Variants in PEX7 observed in about 807,000 individuals in gnomAD.
The protein encoded by PEX7 is PTS2 receptor.
In PEX7, 34 loss-of-function variants were observed where a neutral mutation model predicts 47.5. That is an observed-to-expected ratio of 0.72 (90% CI 0.54 to 0.95). The LOEUF (loss-of-function observed/expected upper bound fraction) is 0.95, where lower values mean the gene tolerates loss of function less well. Among genes scored for constraint, PEX7 ranks in the 40% least tolerant of loss-of-function variants. The probability of loss-of-function intolerance (pLI) is 0.00; values close to 1 mark genes in which losing one functional copy is unlikely to be tolerated. For synonymous variants in PEX7, 141 were observed against 148.8 expected, an observed-to-expected ratio of 0.95 and a Z score of 0.38; for missense variants, 394 against 400.3, an observed-to-expected ratio of 0.98 and a Z score of 0.13.
At chr6:136,878,709 A>G (rs549894359) in intron 8 of PEX7, among the ~76,000 whole-genome samples, 3 of 152,342 alleles carry the variant, frequency 2.0e-5, no homozygotes, top group African/African-American at 7.2e-5. Flanking sequence ...GATCTCGCTT[A>G]GTGAACAAAT....
Position 136,913,780 on chromosome 6 carries a change from A to G in PEX7, c.*254A>G. 7 of 414,310 alleles carry G rather than the reference A, an allele frequency of 1.7e-5. No homozygotes were observed. In the South Asian group the frequency reaches 1.9e-4, roughly 11 times the overall value. 25.7% of individuals were successfully genotyped at this position (414,310 alleles called of 1,614,324 possible). A position where few individuals can be genotyped will look rare whatever the true frequency, so the allele number is the denominator to read the frequency against. On this transcript the variant is annotated 3_prime_UTR_variant, in exon 10 of 10. Transcript: ENST00000318471. ...GATATATCTTGTAGTATCTATTAAAATGTCTCTGGGTCATAAAATGGATTA... is the reference window on the plus strand; with the variant it reads ...GATATATCTTGTAGTATCTATTAAAGTGTCTCTGGGTCATAAAATGGATTA...
intron 9 of PEX7, among the ~76,000 whole-genome samples, 190 bp from the exon 10 acceptor site, chr6:136,913,268 T>A (rs1775960925): frequency 6.6e-6 from 1 of 152,234 alleles, no homozygotes; most frequent in Admixed American, 6.5e-5. Context: ...TCAGTTGGAA[T>A]ACCCTGAGGT....
chr6:136,907,584 C>A (rs1159304567), intron 9 of PEX7, among the ~76,000 whole-genome samples: 4 of 151,560 alleles, frequency 2.6e-5, no homozygotes, highest in Non-Finnish European at 4.4e-5. Flanking sequence ...GTAGATTGAA[C>A]AAGTTTCCCA....
intron 9 of PEX7, among the ~76,000 whole-genome samples, chr6:136,909,571 G>C (rs1234729897): frequency 6.6e-6 from 1 of 152,144 alleles, no homozygotes; most frequent in African/African-American, 2.4e-5. Flanking sequence ...GAGCCTCTTT[G>C]TTAGTTAGTA....
At chr6:136,844,480 G>A (rs1278282186) in intron 3 of PEX7, among the ~76,000 whole-genome samples, 1 of 152,034 alleles carries the variant, frequency 6.6e-6, no homozygotes, top group Non-Finnish European at 1.5e-5. Flanking sequence ...TCACTTGAAT[G>A]GTTACCATTT....
At chr6:136,881,972 G>C (rs745424232) in intron 8 of PEX7, among the ~76,000 whole-genome samples, 1 of 152,058 alleles carries the variant, frequency 6.6e-6, no homozygotes, top group Non-Finnish European at 1.5e-5. Context: ...GATCTTTAAC[G>C]TAAGTTAAAC....
At chr6:136,851,054 G>T in intron 5 of PEX7, among the ~76,000 whole-genome samples, 1 of 106,322 alleles carries the variant, frequency 9.4e-6, no homozygotes, top group Admixed American at 1.0e-4. Flanking sequence ...CATTGTGCAG[G>T]TTAGTTACAT....
intron 1 of PEX7, among the ~76,000 whole-genome samples, chr6:136,823,914 G>A (rs934314627): frequency 6.6e-6 from 1 of 152,128 alleles, no homozygotes; most frequent in African/African-American, 2.4e-5. Flanking sequence ...CATCTAGTCC[G>A]TGGACTAGAT....
intron 9 of PEX7, chr6:136,901,249 T>A (rs59827236): frequency 0.12 from 18,574 of 152,330 alleles, 2,137 homozygotes; most frequent in African/African-American, 0.31. Flanking sequence ...TCTACATGTA[T>A]CTCCATGTTT....
intron 9 of PEX7, among the ~76,000 whole-genome samples, chr6:136,899,968 T>C (rs6932077): frequency 0.047 from 7,174 of 152,294 alleles, 345 homozygotes; most frequent in African/African-American, 0.12. Context: ...TACTGAAATA[T>C]GGCACCCCAA....
intron 8 of PEX7, among the ~76,000 whole-genome samples, chr6:136,889,918 A>C (rs1775526459): frequency 6.6e-6 from 1 of 152,220 alleles, no homozygotes; most frequent in South Asian, 2.1e-4. Flanking sequence ...ATAGTTTTTA[A>C]GAAAAAGATA....
chr6:136,871,414 T>A (rs1359373804), intron 7 of PEX7, among the ~76,000 whole-genome samples: 1 of 152,224 alleles, frequency 6.6e-6, no homozygotes, highest in Non-Finnish European at 1.5e-5. Flanking sequence ...AGGGTGTTTT[T>A]ATTTAACATT....
chr6:136,880,072 C>T (rs1420802290), intron 8 of PEX7, among the ~76,000 whole-genome samples: 3 of 150,276 alleles, frequency 2.0e-5, no homozygotes, highest in Non-Finnish European at 3.0e-5. Context: ...TAAATGCTTG[C>T]TTGAAGATAA....
chr6:136,875,247 A>T (rs182131275), intron 8 of PEX7, among the ~76,000 whole-genome samples: 339 of 144,290 alleles, frequency 2.3e-3, no homozygotes, highest in South Asian at 7.0e-3. Context: ...GCTTCTTGAG[A>T]TAGGAATTTA....
intron 3 of PEX7, among the ~76,000 whole-genome samples, chr6:136,837,666 A>G (rs1329144305): frequency 6.6e-6 from 1 of 152,202 alleles, no homozygotes; most frequent in Non-Finnish European, 1.5e-5. Flanking sequence ...AATGCAAGAT[A>G]TCTTCTTGTG....
intron 5 of PEX7, among the ~76,000 whole-genome samples, chr6:136,850,991 A>AT (rs1774738007): frequency 1.5e-4 from 6 of 39,202 alleles, no homozygotes; most frequent in Non-Finnish European, 2.0e-4. Context: ...TTTTTTTTTT[A>AT]TTTTTAATTT....
intron 1 of PEX7, 73 bp downstream of exon 1, chr6:136,822,868 G>A (rs1774106563): frequency 2.5e-6 from 3 of 1,224,458 alleles, no homozygotes; most frequent in Non-Finnish European, 3.0e-6. Flanking sequence ...CCAGTTCCTC[G>A]CGCTCGAGGG....
At chr6:136,847,287 C>A (rs9494582) in intron 5 of PEX7, among the ~76,000 whole-genome samples, 2 of 151,608 alleles carry the variant, frequency 1.3e-5, no homozygotes, top group Non-Finnish European at 2.9e-5. Context: ...TCTCCCATTT[C>A]GTAGGTTGCC....
At chr6:136,882,517 C>T (rs1775394714) in intron 8 of PEX7, among the ~76,000 whole-genome samples, 1 of 151,384 alleles carries the variant, frequency 6.6e-6, no homozygotes, top group Admixed American at 6.6e-5. Context: ...AACCCTATTC[C>T]CTGCACATTC....
Sources: gnomAD v4.1 joint callset for allele counts (sites outside exome capture counted in the v4.1 genomes callset) on GRCh38, gnomAD v4.1.1 for gene constraint, MANE v1.5 for transcripts, NCBI Gene and HGNC (gene_info 2026-07-23, HGNC 2026-07-21) for gene names.